The following MCTP1 variants were observed in gnomAD, a reference collection of about 807,000 sequenced individuals.
The protein encoded by MCTP1 is multiple C2 and transmembrane domain-containing protein 1.
A neutral mutation model predicts 120.6 loss-of-function variants in MCTP1; 69 were observed. The observed-to-expected ratio is 0.57, with a 90% CI of 0.47 to 0.70. The LOEUF is 0.70. Ranked by LOEUF, MCTP1 falls within the 30% of genes least tolerant of loss-of-function variation. The pLI, the probability that MCTP1 is intolerant of heterozygous loss-of-function variation, is 0.00. For missense variants in MCTP1, 1,203 were observed against 1,248.8 expected (o/e 0.96, Z 0.55); for synonymous variants, 529 against 493.1 (o/e 1.07, Z -0.96).
At chr5:94,845,890 T>C (rs1792215518) in intron 17 of MCTP1, among the ~76,000 whole-genome samples, 1 of 152,080 alleles carries the variant, frequency 6.6e-6, no homozygotes, top group South Asian at 2.1e-4. Context: ...CCAAGAAGCA[T>C]ATGAGAAAAT....
chr5:95,075,068 C>A (rs1753213657), intron 1 of MCTP1, among the ~76,000 whole-genome samples: 1 of 152,184 alleles, frequency 6.6e-6, no homozygotes, highest in Non-Finnish European at 1.5e-5. Context: ...CTCTAAGGCA[C>A]CTTGTACTAT....
chr5:95,246,419 C>G (rs1219949651), intron 1 of MCTP1, among the ~76,000 whole-genome samples: 1 of 151,484 alleles, frequency 6.6e-6, no homozygotes, highest in East Asian at 1.9e-4. Context: ...ATCTCACATG[C>G]AAAGGCACAC....
chr5:94,938,073 C>T (rs1487101511), intron 5 of MCTP1, among the ~76,000 whole-genome samples: 1 of 151,990 alleles, frequency 6.6e-6, no homozygotes. Flanking sequence ...CTAATCCAAA[C>T]CTCCATCATC....
chr5:95,115,615 T>A (rs1344094703), intron 1 of MCTP1, among the ~76,000 whole-genome samples: 1 of 151,642 alleles, frequency 6.6e-6, no homozygotes, highest in Non-Finnish European at 1.5e-5. Flanking sequence ...TAAAAGACAA[T>A]AAAGCATGCC....
At chr5:95,137,723 A>G (rs550103874) in intron 1 of MCTP1, among the ~76,000 whole-genome samples, 20 of 152,136 alleles carry the variant, frequency 1.3e-4, no homozygotes. Context: ...GTCTATTAGT[A>G]TATACATTAT....
chr5:94,736,877 A>G (rs1032729320), intron 19 of MCTP1, among the ~76,000 whole-genome samples: 10 of 152,242 alleles, frequency 6.6e-5, no homozygotes, highest in Admixed American at 3.9e-4. Context: ...GAAAAAGTTC[A>G]TTAACTCATT....
rs534054471 is a variant in MCTP1, at chr5:95,276,188, G to C, written c.720+7668C>G. 1.5e-4 allele frequency among the ~76,000 whole-genome samples: 22 copies of C among 149,780 alleles called. No homozygotes were observed. In the South Asian group the frequency reaches 4.7e-3, roughly 32 times the overall value. On this transcript the variant is annotated intron_variant, in intron 1 of 22. Coordinates refer to ENST00000515393, the MANE Select transcript of MCTP1 (RefSeq NM_024717.7). ...TGTGTGAACTCCACTTCACACACTT[G>C]GTATTTAAGAGGCAACAGAATGAAC...
intron 2 of MCTP1, among the ~76,000 whole-genome samples, chr5:94,958,251 T>C (rs1034357706): frequency 1.3e-5 from 2 of 152,186 alleles, no homozygotes; most frequent in Non-Finnish European, 2.9e-5. Flanking sequence ...CCAGAACCTT[T>C]GGGACACAGC....
intron 17 of MCTP1, among the ~76,000 whole-genome samples, chr5:94,802,976 C>A (rs778889015): frequency 7.9e-5 from 12 of 152,228 alleles, no homozygotes; most frequent in Middle Eastern, 3.4e-3. Flanking sequence ...CTATAGCACC[C>A]TTTCTGTATT....
chr5:95,036,182 C>CTG (rs1170460814), intron 1 of MCTP1, among the ~76,000 whole-genome samples: 1 of 152,160 alleles, frequency 6.6e-6, no homozygotes, highest in East Asian at 1.9e-4. Flanking sequence ...TTGTTAGTTG[C>CTG]TGTTACCTTC....
chr5:94,823,714 T>C (rs531671297), intron 17 of MCTP1, among the ~76,000 whole-genome samples: 3 of 152,220 alleles, frequency 2.0e-5, no homozygotes, highest in Non-Finnish European at 4.4e-5. Context: ...TTCTCTCTTA[T>C]TTCCTTGAGC....
intron 1 of MCTP1, among the ~76,000 whole-genome samples, chr5:95,168,346 T>C (rs1294744738): frequency 6.6e-6 from 1 of 152,198 alleles, no homozygotes; most frequent in African/African-American, 2.4e-5. Context: ...TCCAACTTTG[T>C]TCTTTTGGCT....
intron 1 of MCTP1, among the ~76,000 whole-genome samples, chr5:95,038,937 AG>A (rs1178725349): frequency 6.6e-6 from 1 of 152,162 alleles, no homozygotes; most frequent in Non-Finnish European, 1.5e-5. Flanking sequence ...GTAGTAAAGG[AG>A]GCTGATCTAT....
At chr5:94,758,144 ATG>A (rs1477093490) in intron 19 of MCTP1, among the ~76,000 whole-genome samples, 2 of 152,238 alleles carry the variant, frequency 1.3e-5, no homozygotes, top group African/African-American at 4.8e-5. Context: ...TTTTCTAAAA[ATG>A]TGTCACTATA....
chr5:95,008,847 C>T (rs1196699675), intron 2 of MCTP1, among the ~76,000 whole-genome samples: 1 of 152,046 alleles, frequency 6.6e-6, no homozygotes, highest in Non-Finnish European at 1.5e-5. Flanking sequence ...GAAATGCTTG[C>T]AGCCACCAGA....
rs1427461564 is a variant in MCTP1, at chr5:94,721,886, T to TG, written c.2611-7001dup. On this transcript the variant is annotated intron_variant, in intron 19 of 22. Transcript: ENST00000515393. ...GCATTATTAAGGTTTCTTTTGAAGG[T>TG]GAAAAAAAAAAAATATCCACAACAA... Among the ~76,000 whole-genome samples, 28 of 143,560 alleles carry TG rather than the reference T, an allele frequency of 2.0e-4. 1 individual carries two copies. The East Asian group carries it at 5.2e-3, about 26-fold the overall frequency. The allele number at this position is 143,560 out of a possible 152,430, so 94.2% of individuals were successfully genotyped here.
chr5:95,049,239 C>T (rs1392011308), intron 1 of MCTP1, among the ~76,000 whole-genome samples: 6 of 152,074 alleles, frequency 3.9e-5, no homozygotes, highest in East Asian at 1.9e-4. Context: ...TTCTGGGTTT[C>T]GCACTTCCCG....
At chr5:94,975,390 G>A (rs984007773) in intron 2 of MCTP1, among the ~76,000 whole-genome samples, 3 of 151,792 alleles carry the variant, frequency 2.0e-5, no homozygotes, top group African/African-American at 4.8e-5. Context: ...GAAGAGACAC[G>A]GGAGCTCTCT....
chr5:95,009,317 T>C (rs1430607727), intron 2 of MCTP1, among the ~76,000 whole-genome samples: 2 of 152,124 alleles, frequency 1.3e-5, no homozygotes, highest in Non-Finnish European at 2.9e-5. Context: ...AGATTGCTCT[T>C]AAATTTTTTA....
Sources: gnomAD v4.1 joint callset for allele counts (sites outside exome capture counted in the v4.1 genomes callset) on GRCh38, gnomAD v4.1.1 for gene constraint, MANE v1.5 for transcripts, NCBI Gene and HGNC (gene_info 2026-07-23, HGNC 2026-07-21) for gene names.